Variants in MRTFA observed in about 807,000 individuals in gnomAD.
MRTFA encodes the protein myocardin related transcription factor A.
In MRTFA, 20 loss-of-function variants were observed where a neutral mutation model predicts 83.5. The observed-to-expected ratio is 0.24, with a 90% CI of 0.17 to 0.35. MRTFA has a LOEUF of 0.35. Ranked by LOEUF, MRTFA falls within the 10% of genes least tolerant of loss-of-function variation. MRTFA has a pLI of 1.00. For missense variants in MRTFA, 1,200 were observed against 1,224.7 expected, an observed-to-expected ratio of 0.98 and a Z score of 0.30; for synonymous variants, 659 against 541.2, an observed-to-expected ratio of 1.22 and a Z score of -3.02.
At chr22:40,594,912 C>T (rs1039198721) in intron 1 of MRTFA, among the ~76,000 whole-genome samples, 177 bp from the exon 2 acceptor site, 8 of 146,084 alleles carry the variant, frequency 5.5e-5, no homozygotes, top group African/African-American at 2.0e-4. Flanking sequence ...AAAAAAGGCC[C>T]ATGTAAGTGG....
chr22:40,471,538 A>G (rs1407984180), intron 3 of MRTFA, among the ~76,000 whole-genome samples: 1 of 152,246 alleles, frequency 6.6e-6, no homozygotes, highest in Admixed American at 6.5e-5. Context: ...CTTCCCACAA[A>G]GAAAAGCCCA....
intron 4 of MRTFA, among the ~76,000 whole-genome samples, chr22:40,459,830 C>CATATATACATATATATATATATAT (rs1555973837): frequency 6.9e-5 from 6 of 86,950 alleles, no homozygotes; most frequent in Non-Finnish European, 1.1e-4. Flanking sequence ...CACATATATA[C>CATATATACATATATATATATATAT]ATATATATAT....
At chr22:40,500,548 C>A (rs1425319004) in intron 3 of MRTFA, among the ~76,000 whole-genome samples, 1 of 151,754 alleles carries the variant, frequency 6.6e-6, no homozygotes, top group Non-Finnish European at 1.5e-5. Context: ...CAGCCTTCCG[C>A]AGTGTTTGTG....
chr22:40,437,950 G>A (rs975585728), intron 4 of MRTFA, among the ~76,000 whole-genome samples: 4 of 152,020 alleles, frequency 2.6e-5, no homozygotes, highest in Non-Finnish European at 2.9e-5. Context: ...TTATTCACTC[G>A]ATGAATTAGT....
intron 7 of MRTFA, among the ~76,000 whole-genome samples, chr22:40,428,309 A>C (rs2052996769): frequency 6.6e-6 from 1 of 152,198 alleles, no homozygotes; most frequent in African/African-American, 2.4e-5. Context: ...TCTGAAAAGA[A>C]ATGGAGGACA....
intron 3 of MRTFA, among the ~76,000 whole-genome samples, chr22:40,501,000 G>T (rs1223795435): frequency 1.6e-5 from 2 of 128,698 alleles, no homozygotes; most frequent in Non-Finnish European, 3.3e-5. Context: ...CCTCCCGGAC[G>T]GGGCGGCTGG....
intron 1 of MRTFA, among the ~76,000 whole-genome samples, chr22:40,600,624 A>C (rs899531452): frequency 6.6e-6 from 1 of 152,220 alleles, no homozygotes. Context: ...GCAGAATTCA[A>C]CCGAACATGC....
chr22:40,454,419 T>A (rs564096928), intron 4 of MRTFA, among the ~76,000 whole-genome samples: 1 of 152,218 alleles, frequency 6.6e-6, no homozygotes, highest in African/African-American at 2.4e-5. Context: ...CCCAGCCCAG[T>A]TGCATTCCTA....
rs76380331 is a variant in MRTFA at position 40,593,848 on chromosome 22, C to A, written c.-22+826G>T. ...TCCTGGTTGGGGAGTTCCGTTTTGACTGTCAAGTTTACTCTGCAACTGAGC... is the reference window on the plus strand; with the variant it reads ...TCCTGGTTGGGGAGTTCCGTTTTGAATGTCAAGTTTACTCTGCAACTGAGC... On this transcript the variant is annotated intron_variant, in intron 2 of 14. Coordinates refer to ENST00000355630, the MANE Select transcript of MRTFA (RefSeq NM_020831.6). 3.5e-3 allele frequency among the ~76,000 whole-genome samples: 533 copies of A among 152,302 alleles called. 5 individuals carry two copies. The highest frequency in any genetic ancestry group is 0.012 in the African/African-American group (512 of 41,560).
chr22:40,520,289 C>T (rs1056757421), intron 3 of MRTFA, among the ~76,000 whole-genome samples: 1 of 152,184 alleles, frequency 6.6e-6, no homozygotes, highest in African/African-American at 2.4e-5. Context: ...CAAAAATAAA[C>T]CCTGTATCCA....
intron 11 of MRTFA, 61 bp from the exon 12 acceptor site, chr22:40,419,445 G>A: frequency 6.7e-7 from 1 of 1,490,056 alleles, no homozygotes; most frequent in South Asian, 1.1e-5. Flanking sequence ...ACTGGGTCCA[G>A]GCAGAAGGGC....
chr22:40,451,816 T>A (rs2053492052), intron 4 of MRTFA, among the ~76,000 whole-genome samples: 1 of 152,098 alleles, frequency 6.6e-6, no homozygotes, highest in East Asian at 1.9e-4. Flanking sequence ...CCAGTATACT[T>A]TTTGGCAAAG....
intron 2 of MRTFA, among the ~76,000 whole-genome samples, chr22:40,582,203 CATA>C (rs1482217989): frequency 4.6e-5 from 7 of 152,192 alleles, no homozygotes; most frequent in Admixed American, 6.6e-5. Flanking sequence ...TTTCACTTAG[CATA>C]ATGTTTTCAA....
intron 3 of MRTFA, among the ~76,000 whole-genome samples, chr22:40,504,073 G>A (rs17001993): frequency 0.082 from 12,419 of 152,170 alleles, 789 homozygotes; most frequent in East Asian, 0.24. Context: ...CTGAACTGAG[G>A]ATGATGAGCC....
intron 1 of MRTFA, among the ~76,000 whole-genome samples, chr22:40,616,858 G>T (rs1474641803): frequency 6.6e-6 from 1 of 152,098 alleles, no homozygotes; most frequent in East Asian, 1.9e-4. Context: ...AGCACTTTTG[G>T]AAGGCTGAAG....
At chr22:40,544,875 C>T (rs771126901) in intron 3 of MRTFA, among the ~76,000 whole-genome samples, 3 of 151,642 alleles carry the variant, frequency 2.0e-5, no homozygotes, top group South Asian at 4.2e-4. Flanking sequence ...AGATTGAGGC[C>T]GCAGTGAGCA....
intron 9 of MRTFA, 54 bp from the exon 10 acceptor site, chr22:40,421,154 G>A: frequency 4.0e-5 from 60 of 1,503,812 alleles, no homozygotes; most frequent in Non-Finnish European, 5.1e-5. Flanking sequence ...GCTTCTCGGG[G>A]TGGGGCTGGC....
chr22:40,500,574 G>T (rs1400514374), intron 3 of MRTFA, among the ~76,000 whole-genome samples: 2 of 151,918 alleles, frequency 1.3e-5, no homozygotes, highest in Non-Finnish European at 2.9e-5. Flanking sequence ...GATTACTTGC[G>T]ATTAGGGATT....
intron 3 of MRTFA, among the ~76,000 whole-genome samples, chr22:40,469,425 A>G (rs182147195): frequency 3.9e-5 from 6 of 152,308 alleles, no homozygotes; most frequent in East Asian, 3.9e-4. Flanking sequence ...GCCTTCTGTC[A>G]TAAGTAAAAG....
Sources: allele counts gnomAD v4.1 joint callset (sites outside exome capture counted in the v4.1 genomes callset), GRCh38; gene constraint gnomAD v4.1.1; transcripts MANE v1.5; gene names NCBI Gene and HGNC (gene_info 2026-07-23, HGNC 2026-07-21).